The following ERBB4 variants were observed in gnomAD, a reference collection of about 807,000 sequenced individuals.
The protein encoded by ERBB4 is erb-b2 receptor tyrosine kinase 4.
In ERBB4, 42 loss-of-function variants were observed where a neutral mutation model predicts 158.0. The ratio of observed to expected loss-of-function variants is 0.27; its 90% confidence interval spans 0.21 to 0.34. The LOEUF is 0.34. Among genes scored for constraint, ERBB4 ranks in the 10% least tolerant of loss-of-function variants. The probability of loss-of-function intolerance (pLI) is 1.00; values close to 1 mark genes in which losing one functional copy is unlikely to be tolerated. For missense variants in ERBB4, 1,333 were observed against 1,624.1 expected, an observed-to-expected ratio of 0.82 and a Z score of 3.08; for synonymous variants, 583 against 558.7, an observed-to-expected ratio of 1.04 and a Z score of -0.61.
intron 3 of ERBB4, among the ~76,000 whole-genome samples, chr2:211,891,883 A>G (rs1369452718): frequency 2.2e-5 from 3 of 136,314 alleles, no homozygotes; most frequent in African/African-American, 8.9e-5. Context: ...TGAATAGACC[A>G]ATAACAGGAG....
At chr2:211,512,754 A>G (rs970945051) in intron 20 of ERBB4, among the ~76,000 whole-genome samples, 3 of 152,140 alleles carry the variant, frequency 2.0e-5, no homozygotes, top group South Asian at 2.1e-4. Context: ...GAACAATCCC[A>G]GCAGGTCTCC....
chr2:212,200,986 A>G (rs557555534), intron 1 of ERBB4, among the ~76,000 whole-genome samples: 29 of 152,296 alleles, frequency 1.9e-4, no homozygotes, highest in Admixed American at 1.5e-3. Context: ...GCACTTGTGA[A>G]AAACATTTCC....
At chr2:211,538,061 A>G (rs1017738412) in intron 20 of ERBB4, among the ~76,000 whole-genome samples, 2 of 146,026 alleles carry the variant, frequency 1.4e-5, no homozygotes, top group African/African-American at 5.6e-5. Context: ...ATAGGTGTCC[A>G]TACAGGGTTA....
At chr2:212,186,899 T>A (rs1190245749) in intron 1 of ERBB4, among the ~76,000 whole-genome samples, 1 of 152,170 alleles carries the variant, frequency 6.6e-6, no homozygotes, top group Non-Finnish European at 1.5e-5. Context: ...TCTCCACCAT[T>A]ATTTTCTTTT....
At chr2:212,003,256 G>GGAAGGAAGGACGGAAGGAAA (rs1553533251) in intron 2 of ERBB4, among the ~76,000 whole-genome samples, 2 of 92,430 alleles carry the variant, frequency 2.2e-5, no homozygotes, top group African/African-American at 7.3e-5. Context: ...AAGGAAGGAA[G>GGAAGGAAGGACGGAAGGAAA]GAAAGAGAGA....
chr2:211,892,630 G>C (rs2078997930), intron 3 of ERBB4, among the ~76,000 whole-genome samples: 1 of 145,700 alleles, frequency 6.9e-6, no homozygotes, highest in Admixed American at 6.7e-5. Flanking sequence ...GTCCCTGTTT[G>C]CAGATGACGT....
intron 1 of ERBB4, among the ~76,000 whole-genome samples, chr2:212,210,567 G>C (rs1483786795): frequency 6.6e-6 from 1 of 152,112 alleles, no homozygotes; most frequent in Admixed American, 6.6e-5. Flanking sequence ...TGATCCAAAA[G>C]TGGATTGAAT....
rs1203906291 is a variant in ERBB4 at position 212,126,905 on chromosome 2, A to G, written c.83-2002T>C. Reference sequence around the variant, plus strand: ...GTTTTTGCCTATGAACACATCGAAAATAACAAAAATCTTAATCCAAAAATC... The same window carrying G: ...GTTTTTGCCTATGAACACATCGAAAGTAACAAAAATCTTAATCCAAAAATC... On this transcript the variant is annotated intron_variant, in intron 1 of 27. Coordinates refer to ENST00000342788, the MANE Select transcript of ERBB4 (RefSeq NM_005235.3). Among the ~76,000 whole-genome samples the G allele has an allele frequency of 3.9e-5, 6 of 152,208 alleles. No individual in the cohort carries two copies. In the East Asian group the frequency reaches 1.2e-3, roughly 29 times the overall value.
chr2:212,494,906 T>C (rs79154743), intron 1 of ERBB4, among the ~76,000 whole-genome samples: 2,420 of 152,290 alleles, frequency 0.016, 63 homozygotes, highest in African/African-American at 0.054. Context: ...TAATTAACTT[T>C]ACAATAGAGT....
intron 1 of ERBB4, among the ~76,000 whole-genome samples, chr2:212,145,203 A>T (rs2080622747): frequency 6.6e-6 from 1 of 152,216 alleles, no homozygotes; most frequent in South Asian, 2.1e-4. Context: ...CAAATACTAG[A>T]GAAAGTTTTT....
chr2:212,046,219 G>A (rs958341830), intron 2 of ERBB4, among the ~76,000 whole-genome samples: 2 of 152,098 alleles, frequency 1.3e-5, no homozygotes, highest in African/African-American at 2.4e-5. Flanking sequence ...TAATAAAAAA[G>A]CAAAAGGAAA....
rs181612803 is a variant in ERBB4, at chr2:211,623,118, T to G, written c.2202+804A>C. ...ATAATTCAGCATTTGCCCAGAAGAG[T>G]TTCTTAATCTTGTTATTTACCATTA... On this transcript the variant is annotated intron_variant, in intron 18 of 27. Coordinates refer to ENST00000342788, the MANE Select transcript of ERBB4 (RefSeq NM_005235.3). 2.9e-3 allele frequency among the ~76,000 whole-genome samples: 419 copies of G among 144,626 alleles called. 4 individuals carry two copies. The highest frequency in any genetic ancestry group is 0.01 in the African/African-American group (398 of 39,372). 94.9% of individuals were successfully genotyped at this position (144,626 alleles called of 152,430 possible).
intron 1 of ERBB4, among the ~76,000 whole-genome samples, chr2:212,148,145 CT>C (rs78160323): frequency 0.016 from 2,276 of 142,624 alleles, 21 homozygotes; most frequent in South Asian, 0.028. Context: ...AGAGTATTTT[CT>C]TTTTTTTTTT....
chr2:212,433,496 G>A (rs558256061), intron 1 of ERBB4, among the ~76,000 whole-genome samples: 1 of 151,896 alleles, frequency 6.6e-6, no homozygotes, highest in African/African-American at 2.4e-5. Flanking sequence ...TTTATAGATC[G>A]AAAAATATTC....
chr2:211,690,451 C>G (rs1231245894), intron 12 of ERBB4, among the ~76,000 whole-genome samples: 1 of 152,144 alleles, frequency 6.6e-6, no homozygotes, highest in Admixed American at 6.6e-5. Context: ...CTCTCTTCGG[C>G]TGTCTAATGC....
chr2:212,534,242 T>C (rs534217546), intron 1 of ERBB4, among the ~76,000 whole-genome samples: 2 of 152,344 alleles, frequency 1.3e-5, no homozygotes, highest in East Asian at 3.9e-4. Flanking sequence ...GTCTAAAATA[T>C]GCACTGTGCA....
chr2:211,662,038 C>CAAAAAAAAAAAAAAAAAAAAAAAAAAAA (rs61318918), intron 15 of ERBB4, among the ~76,000 whole-genome samples: 1 of 39,694 alleles, frequency 2.5e-5, no homozygotes, highest in African/African-American at 8.6e-5. Flanking sequence ...GACTCCGTCT[C>CAAAAAAAAAAAAAAAAAAAAAAAAAAAA]AAAAAAAAAA....
At chr2:211,758,403 A>C (rs1169286673) in intron 4 of ERBB4, among the ~76,000 whole-genome samples, 1 of 152,166 alleles carries the variant, frequency 6.6e-6, no homozygotes, top group Non-Finnish European at 1.5e-5. Flanking sequence ...TAAAACATGA[A>C]ATTTTTCCTA....
At chr2:212,066,034 T>G (rs2077937651) in intron 2 of ERBB4, among the ~76,000 whole-genome samples, 1 of 152,002 alleles carries the variant, frequency 6.6e-6, no homozygotes, top group African/African-American at 2.4e-5. Flanking sequence ...TCTTATTGAC[T>G]AGTCACAAAG....
Sources: gnomAD v4.1 joint callset for allele counts (sites outside exome capture counted in the v4.1 genomes callset) on GRCh38, gnomAD v4.1.1 for gene constraint, MANE v1.5 for transcripts, NCBI Gene and HGNC (gene_info 2026-07-23, HGNC 2026-07-21) for gene names.